The following PTPRD variants were observed in gnomAD, a reference collection of about 807,000 sequenced individuals.
The protein encoded by PTPRD is receptor-type tyrosine-protein phosphatase delta.
Under a neutral mutation model 214.5 loss-of-function variants are expected in PTPRD, and 34 were observed. The observed-to-expected ratio is 0.16, with a 90% CI of 0.12 to 0.21. The LOEUF (loss-of-function observed/expected upper bound fraction) is 0.21. PTPRD is among the 10% of genes least tolerant of loss of function. PTPRD has a pLI of 1.00. For synonymous variants in PTPRD, 1,128 were observed against 845.7 expected (o/e 1.33, Z -5.79); for missense variants, 2,545 against 2,398.7 (o/e 1.06, Z -1.27).
chr9:8,604,012 A>G (rs1331095135), intron 14 of PTPRD, among the ~76,000 whole-genome samples: 2 of 152,208 alleles, frequency 1.3e-5, no homozygotes, highest in African/African-American at 4.8e-5. Context: ...AACTACATAT[A>G]TCCAAAATTA....
chr9:8,436,085 C>T (rs770636452), intron 35 of PTPRD, among the ~76,000 whole-genome samples: 3 of 152,098 alleles, frequency 2.0e-5, no homozygotes, highest in Non-Finnish European at 4.4e-5. Flanking sequence ...TTAGTATATT[C>T]TAGGAACTGA....
chr9:9,734,919 T>C (rs1232739869), intron 6 of PTPRD, among the ~76,000 whole-genome samples: 2 of 152,126 alleles, frequency 1.3e-5, no homozygotes, highest in African/African-American at 2.4e-5. Flanking sequence ...AATTAGTACA[T>C]AAATTTAATG....
At chr9:9,029,672 C>T (rs145463451) in intron 10 of PTPRD, among the ~76,000 whole-genome samples, 1 of 151,820 alleles carries the variant, frequency 6.6e-6, no homozygotes, top group East Asian at 1.9e-4. Flanking sequence ...GAGAAAACCT[C>T]TTTGGTGAGG....
chr9:9,568,581 A>T (rs1020959696), intron 8 of PTPRD, among the ~76,000 whole-genome samples: 1 of 151,928 alleles, frequency 6.6e-6, no homozygotes, highest in African/African-American at 2.4e-5. Flanking sequence ...GAGAAAATAT[A>T]TGCTACTTAC....
intron 8 of PTPRD, among the ~76,000 whole-genome samples, chr9:9,474,043 G>A (rs1467788616): frequency 1.3e-5 from 2 of 151,938 alleles, no homozygotes; most frequent in Non-Finnish European, 2.9e-5. Flanking sequence ...TTAGATGAAC[G>A]TCCTGAAGTG....
intron 2 of PTPRD, among the ~76,000 whole-genome samples, chr9:10,351,259 C>G (rs897764636): frequency 6.6e-6 from 1 of 151,988 alleles, no homozygotes; most frequent in African/African-American, 2.4e-5. Context: ...TGTCGCCCTC[C>G]ATTTATGTGG....
intron 9 of PTPRD, among the ~76,000 whole-genome samples, chr9:9,309,752 C>T (rs1958316712): frequency 1.3e-5 from 2 of 152,206 alleles, no homozygotes; most frequent in South Asian, 2.1e-4. Context: ...CTCATCCATA[C>T]TGCCACAGCA....
intron 8 of PTPRD, among the ~76,000 whole-genome samples, chr9:9,448,017 A>C (rs79777282): frequency 0.012 from 1,842 of 152,132 alleles, 29 homozygotes; most frequent in African/African-American, 0.042. Context: ...GGTTCTGAAA[A>C]GAGGAGTAGC....
chr9:8,518,004 C>A lies in PTPRD; in HGVS notation c.1387G>T (p.Val463Phe), dbSNP rs2138490972. Residue 463 changes from valine (V) to phenylalanine (F), a missense_variant, in exon 21 of 46, where the codon GTC becomes TTC. By Grantham distance (50) the Val-to-Phe change is conservative. Transcript: ENST00000381196. ...VYYTMDPTQH[V>F]NNWMKHNVAD... is the part of the protein sequence containing the mutation. ...ACATTGTGTTTCATCCAGTTGTTGACATGTTGAGTGGGATCCATTGTATAA... is the reference window on the plus strand; with the variant it reads ...ACATTGTGTTTCATCCAGTTGTTGAAATGTTGAGTGGGATCCATTGTATAA... 5.6e-6 allele frequency: 9 copies of A among 1,614,166 alleles called. No homozygotes were observed. Among genetic ancestry groups the A allele is most frequent in the Non-Finnish European group, 7.6e-6 (9 of 1,180,012 alleles).
intron 7 of PTPRD, among the ~76,000 whole-genome samples, chr9:9,608,651 T>C (rs1444300604): frequency 4.6e-5 from 7 of 152,202 alleles, no homozygotes; most frequent in East Asian, 1.9e-4. Context: ...CATTCTGGCA[T>C]AGAATCCTTA....
rs536450917 is a variant in PTPRD at position 10,181,208 on chromosome 9, C to A, written c.-544-147418G>T. 2.0e-5 allele frequency among the ~76,000 whole-genome samples: 3 copies of A among 152,032 alleles called. No homozygotes were observed. In the East Asian group the frequency reaches 5.8e-4, roughly 29 times the overall value. On this transcript the variant is annotated intron_variant, in intron 3 of 45. Coordinates refer to ENST00000381196, the MANE Select transcript of PTPRD (RefSeq NM_002839.4). ...AGAGCTAAAAATAGGAGTTTGTTTA[C>A]CATAATATAATTTTATATGAGCAAT...
chr9:8,869,146 G>A (rs764861), intron 11 of PTPRD, among the ~76,000 whole-genome samples: 1 of 152,160 alleles, frequency 6.6e-6, no homozygotes, highest in African/African-American at 2.4e-5. Context: ...CTTGATTCTT[G>A]ATGCCTTTGT....
chr9:8,725,554 C>G (rs2098548040), intron 12 of PTPRD, among the ~76,000 whole-genome samples: 1 of 151,840 alleles, frequency 6.6e-6, no homozygotes, highest in Non-Finnish European at 1.5e-5. Flanking sequence ...ATAATATATG[C>G]CAACAGAGAT....
At chr9:9,195,098 A>ATATATG (rs201294106) in intron 9 of PTPRD, among the ~76,000 whole-genome samples, 10,035 of 141,174 alleles carry the variant, frequency 0.071, 489 homozygotes, top group East Asian at 0.17. Context: ...ATATATATAT[A>ATATATG]TATATATATA....
At chr9:10,201,647 T>G (rs2099423736) in intron 3 of PTPRD, among the ~76,000 whole-genome samples, 1 of 152,090 alleles carries the variant, frequency 6.6e-6, no homozygotes, top group African/African-American at 2.4e-5. Context: ...GATAGACAAT[T>G]ATTTTGCTTC....
At chr9:10,343,977 A>ATTT (rs2097001592) in intron 2 of PTPRD, among the ~76,000 whole-genome samples, 1 of 43,252 alleles carries the variant, frequency 2.3e-5, no homozygotes, top group Non-Finnish European at 4.4e-5. Flanking sequence ...TTCTGATGGT[A>ATTT]GTTTTTTTTT....
intron 2 of PTPRD, among the ~76,000 whole-genome samples, chr9:10,409,765 G>T (rs1368549882): frequency 6.6e-6 from 1 of 151,628 alleles, no homozygotes; most frequent in Non-Finnish European, 1.5e-5. Flanking sequence ...TGCTTTCAAG[G>T]TGTGTTTCTA....
At chr9:8,380,794 G>A (rs546110924) in intron 37 of PTPRD, among the ~76,000 whole-genome samples, 253 of 152,186 alleles carry the variant, frequency 1.7e-3, no homozygotes, top group African/African-American at 5.9e-3. Context: ...ACTCCCATAT[G>A]GCTTACCTTG....
At chr9:9,253,879 G>C (rs1056968297) in intron 9 of PTPRD, among the ~76,000 whole-genome samples, 1 of 152,084 alleles carries the variant, frequency 6.6e-6, no homozygotes, top group Non-Finnish European at 1.5e-5. Flanking sequence ...TGTTGGCAGG[G>C]CTGCACTTCC....
Sources: gnomAD v4.1 joint callset for allele counts (sites outside exome capture counted in the v4.1 genomes callset) on GRCh38, gnomAD v4.1.1 for gene constraint, MANE v1.5 for transcripts, NCBI Gene and HGNC (gene_info 2026-07-23, HGNC 2026-07-21) for gene names.